RECQL5: variants seen among roughly 807,000 people sequenced by gnomAD.
The protein encoded by RECQL5 is ATP-dependent DNA helicase Q5.
In RECQL5, 88 loss-of-function variants were observed where a neutral mutation model predicts 103.4. That is an observed-to-expected ratio of 0.85 (90% CI 0.72 to 1.02). The LOEUF (loss-of-function observed/expected upper bound fraction) is 1.02, where lower values mean the gene tolerates loss of function less well. Ranked by LOEUF, RECQL5 falls within the 50% of genes least tolerant of loss-of-function variation. The pLI, the probability that RECQL5 is intolerant of heterozygous loss-of-function variation, is 0.00. For missense variants in RECQL5, 1,232 were observed against 1,284.3 expected (o/e 0.96, Z 0.62); for synonymous variants, 552 against 507.9 (o/e 1.09, Z -1.17).
intron 6 of RECQL5, 130 bp downstream of exon 6, chr17:75,660,825 T>G: frequency 1.4e-6 from 1 of 722,048 alleles, no homozygotes. Context: ...TTCTAAGGAC[T>G]CTCTCCTGGA....
In RECQL5 at chr17:75,626,863, G is replaced by A. The variant is rs1439460362; in HGVS notation, c.*559C>T. The A allele has an allele frequency of 1.3e-5, 5 of 393,250 alleles. No individual in the cohort carries two copies. The highest frequency in any genetic ancestry group is 7.6e-4 in the Middle Eastern group (1 of 1,308). The allele number at this position is 393,250 out of a possible 1,614,324, so 24.4% of individuals were successfully genotyped here. ...CCCTGGAGAAAAGGGCTGTGTGCAC[G>A]CCTGCATGCCCCACAACAACACAAC... is the stretch of plus-strand genomic sequence containing the variant. On this transcript the variant is annotated 3_prime_UTR_variant, in exon 20 of 20. Transcript: ENST00000317905.
At chr17:75,659,926 C>T (rs981403021) in intron 6 of RECQL5, among the ~76,000 whole-genome samples, 2 of 152,152 alleles carry the variant, frequency 1.3e-5, no homozygotes, top group African/African-American at 4.8e-5. Context: ...GGATGCACCC[C>T]GACTCTTCTA....
intron 7 of RECQL5, among the ~76,000 whole-genome samples, chr17:75,654,919 C>T (rs1359696022): frequency 1.3e-5 from 2 of 152,006 alleles, no homozygotes; most frequent in Non-Finnish European, 2.9e-5. Context: ...CAGCCTCTTG[C>T]GTAGCTGGAA....
Position 75,658,393 on chromosome 17 carries a change from T to G in RECQL5, c.1054A>C (p.Arg352=). ...GYYQESGRAG[R]DGKPSWCRLY... ...CGGCACCAGGAAGGCTTCCCATCCC[T>G]GCCAGCCCGGCCAGACTCCTGGTAG... The change falls in exon 7 of 20, where the codon AGG becomes CGG. Residue 352 remains arginine, a synonymous_variant. Coordinates refer to ENST00000317905, the MANE Select transcript of RECQL5 (RefSeq NM_004259.7). 6.2e-7 allele frequency: 1 copy of G among 1,614,102 alleles called. No individual in the cohort carries two copies. Among genetic ancestry groups the G allele is most frequent in the Non-Finnish European group, 8.5e-7 (1 of 1,179,974 alleles).
chr17:75,634,335 C>A, intron 8 of RECQL5: 1 of 856,714 alleles, frequency 1.2e-6, no homozygotes, highest in Non-Finnish European at 1.4e-6. Context: ...CGCTTCCCTG[C>A]AGGGAAGTCA....
chr17:75,640,074 G>C lies in RECQL5; in HGVS notation c.1230-8406C>G. 1 of 1,322,198 alleles carries C rather than the reference G, an allele frequency of 7.6e-7. No homozygotes were observed. Among genetic ancestry groups the C allele is most frequent in the Non-Finnish European group, 1.0e-6 (1 of 999,080 alleles). 81.9% of individuals were successfully genotyped at this position (1,322,198 alleles called of 1,614,324 possible). On this transcript the variant is annotated intron_variant, in intron 8 of 19. Transcript: ENST00000317905. The surrounding 1 kb of genome is among the most constrained non-coding windows in gnomAD (Gnocchi z 4.6). Reference sequence around the variant, plus strand: ...GTGAGACCTGACAAACTTGTTCTGCGGGCTGCGGATGGGTGCGAGGGTGGA... The same window carrying C: ...GTGAGACCTGACAAACTTGTTCTGCCGGCTGCGGATGGGTGCGAGGGTGGA...
chr17:75,641,710 T>G (rs1362561942), intron 8 of RECQL5, among the ~76,000 whole-genome samples: 5 of 152,252 alleles, frequency 3.3e-5, no homozygotes, highest in African/African-American at 7.2e-5. Flanking sequence ...CTCTGTCAAC[T>G]GCCTGCACCT....
chr17:75,642,324 C>G (rs975413802), intron 8 of RECQL5, among the ~76,000 whole-genome samples: 1 of 152,218 alleles, frequency 6.6e-6, no homozygotes, highest in Non-Finnish European at 1.5e-5. Context: ...TCTTGGCCTG[C>G]GTGACCCGTG....
rs2148202591 is a variant in RECQL5, at chr17:75,626,972, G to C, written c.*450C>G. On this transcript the variant is annotated 3_prime_UTR_variant, in exon 20 of 20. Transcript: ENST00000317905. ...AACAGGGCCTGGCTGCCTCTCCTCT[G>C]CCACAGCTCTGACCTGGGCAAGGCT... is the stretch of plus-strand genomic sequence containing the variant. The C allele has an allele frequency of 2.8e-6, 1 of 358,286 alleles. No homozygotes were observed. Among genetic ancestry groups the C allele is most frequent in the South Asian group, 2.1e-5 (1 of 46,710 alleles). 22.2% of individuals were successfully genotyped at this position (358,286 alleles called of 1,614,324 possible).
chr17:75,628,903 C>T (rs1338027654), intron 16 of RECQL5, 31 bp downstream of exon 16: 2 of 1,582,210 alleles, frequency 1.3e-6, no homozygotes, highest in Admixed American at 4.2e-5. Context: ...GTGTAGGTTC[C>T]AGAAGATTCT....
At chr17:75,643,101 G>C (rs1456910926) in intron 8 of RECQL5, among the ~76,000 whole-genome samples, 1 of 152,234 alleles carries the variant, frequency 6.6e-6, no homozygotes, top group Non-Finnish European at 1.5e-5. Context: ...CCTCCCGGAA[G>C]AAAAACACAG....
At chr17:75,650,356 A>G in intron 8 of RECQL5, 3 of 1,139,028 alleles carry the variant, frequency 2.6e-6, no homozygotes, top group Non-Finnish European at 3.2e-6. Context: ...CACACAGCCC[A>G]AAGAGTTTCT....
intron 11 of RECQL5, 50 bp downstream of exon 11, chr17:75,630,924 C>T (rs1396688205): frequency 6.2e-7 from 1 of 1,605,284 alleles, no homozygotes; most frequent in Non-Finnish European, 8.5e-7. Context: ...AATCCTCCCT[C>T]CATGCCCCGG....
chr17:75,662,375 G>A, intron 4 of RECQL5, 104 bp downstream of exon 4: 2 of 1,246,386 alleles, frequency 1.6e-6, no homozygotes, highest in Non-Finnish European at 2.2e-6. Flanking sequence ...AGGAAGCCTG[G>A]CTGAGAAAGC....
At chr17:75,647,486 T>C in intron 8 of RECQL5, 1 of 1,550,402 alleles carries the variant, frequency 6.4e-7, no homozygotes, top group Non-Finnish European at 8.7e-7. Flanking sequence ...GCTGTCCTGC[T>C]TCTCATCTTA....
chr17:75,647,556 A>G (rs1394555411), intron 8 of RECQL5: 1 of 1,549,984 alleles, frequency 6.5e-7, no homozygotes, highest in Non-Finnish European at 8.7e-7. Context: ...AAGCGGGTGA[A>G]GAGGAGTGAC....
chr17:75,635,251 G>C (rs116880308), intron 8 of RECQL5, among the ~76,000 whole-genome samples: 25 of 152,174 alleles, frequency 1.6e-4, no homozygotes, highest in African/African-American at 5.8e-4. Context: ...GTTGGGAGGC[G>C]CACAGTAGGG....
At chr17:75,659,753 C>T (rs1022475565) in intron 6 of RECQL5, among the ~76,000 whole-genome samples, 5 of 152,168 alleles carry the variant, frequency 3.3e-5, no homozygotes, top group South Asian at 2.1e-4. Flanking sequence ...GTGAGGTTCA[C>T]GAAGACCATG....
chr17:75,657,494 A>T (rs1021036880), intron 7 of RECQL5, among the ~76,000 whole-genome samples: 1 of 151,902 alleles, frequency 6.6e-6, no homozygotes, highest in African/African-American at 2.4e-5. Flanking sequence ...CACACCTGTA[A>T]TCTCAGTAGT....
Sources: allele counts gnomAD v4.1 joint callset (sites outside exome capture counted in the v4.1 genomes callset), GRCh38; gene constraint gnomAD v4.1.1; non-coding constraint Gnocchi (gnomAD v3.1); transcripts MANE v1.5; gene names NCBI Gene and HGNC (gene_info 2026-07-23, HGNC 2026-07-21).